The following ZFAND2A variants were observed in gnomAD, a reference collection of about 807,000 sequenced individuals.
The protein encoded by ZFAND2A is zinc finger AN1-type containing 2A.
ZFAND2A carries 20 observed loss-of-function variants against 11.6 expected under a neutral mutation model. That is an observed-to-expected ratio of 1.72 (90% CI 1.21 to 2.50). ZFAND2A has a LOEUF of 2.50. Ranked by LOEUF, ZFAND2A falls within the 30% of genes most tolerant of loss-of-function variation. The pLI, the probability that ZFAND2A is intolerant of heterozygous loss-of-function variation, is 0.00. For missense variants in ZFAND2A, 234 were observed against 182.9 expected, an observed-to-expected ratio of 1.28 and a Z score of -1.61; for synonymous variants, 93 against 60.6, an observed-to-expected ratio of 1.54 and a Z score of -2.48.
At position 1,152,934 on chromosome 7, in the gene ZFAND2A, G is replaced by T. The variant is rs777743821; in HGVS notation, c.*135C>A. The T allele has an allele frequency of 1.6e-6, 2 of 1,226,616 alleles. No homozygotes were observed. Among genetic ancestry groups the T allele is most frequent in the Non-Finnish European group, 2.3e-6 (2 of 851,096 alleles). 76.0% of individuals were successfully genotyped at this position (1,226,616 alleles called of 1,614,324 possible). A position where few individuals can be genotyped will look rare whatever the true frequency, so the allele number is the denominator to read the frequency against. On this transcript the variant is annotated 3_prime_UTR_variant, in exon 5 of 5. Transcript: ENST00000316495. ...AACTTCAGCATTCAATTTTATTATA[G>T]TCCCATCTCCCTCAACAAACAAGAT...
At chr7:1,158,366 G>A (rs1017925538) in intron 1 of ZFAND2A, 109 bp from the exon 2 acceptor site, 1 of 672,834 alleles carries the variant, frequency 1.5e-6, no homozygotes, top group Non-Finnish European at 2.6e-6. Context: ...TGTGTGGGGA[G>A]CATTCCATGG....
downstream of ZFAND2A, chr7:1,152,263 G>A (rs778281038): frequency 1.6e-5 from 26 of 1,577,728 alleles, no homozygotes; most frequent in Non-Finnish European, 2.0e-5. Context: ...ACCAGTACCC[G>A]AGTCGCTGGG....
chr7:1,158,045 C>A, intron 2 of ZFAND2A, 113 bp downstream of exon 2: 1 of 1,088,808 alleles, frequency 9.2e-7, no homozygotes, highest in South Asian at 1.4e-5. Context: ...CAGCACAGTT[C>A]CCAATACTGA....
rs1382838160 is a variant in ZFAND2A, at chr7:1,160,080, T to C, written c.-162A>G. On this transcript the variant is annotated 5_prime_UTR_variant, in exon 1 of 5. Transcript: ENST00000316495. The stretch of plus-strand genomic sequence containing the variant: ...AGCTAAGCAGAAAGAACCTCGACAC[T>C]GGCACCGAGACGCCGTCGGAGGCAC... 6.5e-6 allele frequency: 1 copy of C among 152,896 alleles called. No homozygotes were observed. Among genetic ancestry groups the C allele is most frequent in the Non-Finnish European group, 1.5e-5 (1 of 68,304 alleles). The allele number at this position is 152,896 out of a possible 1,614,324, so 9.5% of individuals were successfully genotyped here. A position where few individuals can be genotyped will look rare whatever the true frequency, so the allele number is the denominator to read the frequency against.
Position 1,153,160 on chromosome 7 carries a change from G to A in ZFAND2A, c.347C>T (p.Ala116Val), listed in dbSNP as rs142087384. The change falls in exon 5 of 5, where the codon GCC becomes GTC. Residue 116 changes from alanine to valine, a missense_variant. Coordinates refer to ENST00000316495, the MANE Select transcript of ZFAND2A (RefSeq NM_182491.4). ...KKKEMLQMVC[A>V]QCHGNFCIQH... ...GATACAGAAGTTGCCGTGACATTGG[G>A]CACATACCATCTGCAGCATCTCTTT... The A allele has an allele frequency of 6.2e-7, 1 of 1,614,178 alleles. No homozygotes were observed.
At chr7:1,154,607 G>C (rs1793478594) in intron 4 of ZFAND2A, among the ~76,000 whole-genome samples, 1 of 152,206 alleles carries the variant, frequency 6.6e-6, no homozygotes, top group South Asian at 2.1e-4. Flanking sequence ...AGCTAGACAG[G>C]GCCAGAAAGT....
At chr7:1,157,416 C>T in intron 3 of ZFAND2A, 1 of 370,204 alleles carries the variant, frequency 2.7e-6, no homozygotes. Flanking sequence ...CCATGAGTCC[C>T]TGAAAATAAG....
chr7:1,149,202 T>G (rs1008954608), downstream of ZFAND2A, among the ~76,000 whole-genome samples: 2 of 152,204 alleles, frequency 1.3e-5, no homozygotes, highest in African/African-American at 4.8e-5. Context: ...AGATTCACAG[T>G]TCACACACCC....
rs973877474 is a variant in ZFAND2A at position 1,155,558 on chromosome 7, G to T, written c.177C>A (p.Leu59=). The part of the protein sequence containing the change: ...QKDVHVPVCP[L]CNTPIPVKKG... ...TTTTTACTGGGATGGGGGTATTACA[G>T]AGTGGGCATACTGGGACGTGAACAT... The change falls in exon 4 of 5, where the codon CTC becomes CTA. Residue 59 remains leucine (L), a synonymous_variant. Coordinates refer to ENST00000316495, the MANE Select transcript of ZFAND2A (RefSeq NM_182491.4). 6 of 1,613,792 alleles carry T rather than the reference G, an allele frequency of 3.7e-6. No individual in the cohort carries two copies. In the African/African-American group the frequency reaches 6.7e-5, roughly 18 times the overall value.
downstream of ZFAND2A, among the ~76,000 whole-genome samples, chr7:1,150,216 C>T (rs184354208): frequency 1.8e-4 from 28 of 152,188 alleles, no homozygotes; most frequent in African/African-American, 5.3e-4. Flanking sequence ...ATACACGGTC[C>T]GTCATCGACA....
At chr7:1,157,491 G>GC in intron 3 of ZFAND2A, 165 bp downstream of exon 3, 1 of 627,024 alleles carries the variant, frequency 1.6e-6, no homozygotes, top group Non-Finnish European at 2.8e-6. Flanking sequence ...CCTCTGTACT[G>GC]CCTAACAGCA....
At chr7:1,157,785 C>A in intron 2 of ZFAND2A, 35 bp from the exon 3 acceptor site, 2 of 1,472,280 alleles carry the variant, frequency 1.4e-6, no homozygotes, top group Non-Finnish European at 1.8e-6. Context: ...GTTTTAACGA[C>A]TGGAACAAAA....
intron 3 of ZFAND2A, chr7:1,156,996 A>C (rs1262986612): frequency 3.3e-5 from 5 of 152,208 alleles, no homozygotes; most frequent in Non-Finnish European, 5.9e-5. Context: ...CAAAGCACAG[A>C]ATGCTGGGCC....
downstream of ZFAND2A, among the ~76,000 whole-genome samples, chr7:1,151,618 C>T (rs1377025537): frequency 6.6e-6 from 1 of 151,946 alleles, no homozygotes. Flanking sequence ...ATTAGCCGGG[C>T]ATGGCAGTTT....
intron 3 of ZFAND2A, chr7:1,157,238 A>G (rs1793548783): frequency 6.5e-6 from 1 of 154,220 alleles, no homozygotes; most frequent in African/African-American, 2.4e-5. Flanking sequence ...CAAATCAATA[A>G]GCGTATTTAC....
At chr7:1,157,864 C>T in intron 2 of ZFAND2A, 114 bp from the exon 3 acceptor site, 2 of 804,236 alleles carry the variant, frequency 2.5e-6, no homozygotes, top group Non-Finnish European at 3.9e-6. Context: ...ATGGACAGGT[C>T]CTCGAGGGCC....
downstream of ZFAND2A, among the ~76,000 whole-genome samples, chr7:1,150,219 C>G (rs1793373492): frequency 6.6e-6 from 1 of 152,130 alleles, no homozygotes; most frequent in African/African-American, 2.4e-5. Context: ...CACGGTCCGT[C>G]ATCGACAGAA....
intron 4 of ZFAND2A, 21 bp downstream of exon 4, chr7:1,155,432 T>A (rs778129943): frequency 4.4e-6 from 7 of 1,604,918 alleles, no homozygotes; most frequent in Non-Finnish European, 4.3e-6. Flanking sequence ...ATGAAGGAAC[T>A]GAGGCGGGCT....
At chr7:1,155,772 T>G in intron 3 of ZFAND2A, 188 bp from the exon 4 acceptor site, 2 of 623,818 alleles carry the variant, frequency 3.2e-6, no homozygotes, top group Non-Finnish European at 2.5e-6. Flanking sequence ...AATGTGGGCA[T>G]CAGCTGCCCT....
Sources: allele counts gnomAD v4.1 joint callset (sites outside exome capture counted in the v4.1 genomes callset), GRCh38; gene constraint gnomAD v4.1.1; transcripts MANE v1.5; gene names NCBI Gene and HGNC (gene_info 2026-07-23, HGNC 2026-07-21).